The following INPP4A variants were observed in gnomAD, a reference collection of about 807,000 sequenced individuals.
The protein encoded by INPP4A is inositol polyphosphate-4-phosphatase, type I, 107kD.
Under a neutral mutation model 119.8 loss-of-function variants are expected in INPP4A, and 33 were observed. The ratio of observed to expected loss-of-function variants is 0.28; its 90% CI spans 0.21 to 0.37. The LOEUF (loss-of-function observed/expected upper bound fraction) is 0.37, where lower values mean the gene tolerates loss of function less well. Ranked by LOEUF, INPP4A falls within the 10% of genes least tolerant of loss-of-function variation. The probability of loss-of-function intolerance (pLI) is 1.00; values close to 1 mark genes in which losing one functional copy is unlikely to be tolerated. For synonymous variants in INPP4A, 496 were observed against 500.7 expected (o/e 0.99, Z 0.12); for missense variants, 956 against 1,289.9 (o/e 0.74, Z 3.97).
intron 1 of INPP4A, among the ~76,000 whole-genome samples, chr2:98,506,834 C>G (rs1684149222): frequency 6.6e-6 from 1 of 152,202 alleles, no homozygotes; most frequent in Non-Finnish European, 1.5e-5. Context: ...GCGGGCACTC[C>G]CCTGTGGCAG....
intron 24 of INPP4A, among the ~76,000 whole-genome samples, chr2:98,579,945 C>T (rs1176549212): frequency 6.6e-6 from 1 of 152,272 alleles, no homozygotes; most frequent in African/African-American, 2.4e-5. Flanking sequence ...ACATGGCTCA[C>T]TGCCACCTTG....
intron 1 of INPP4A, among the ~76,000 whole-genome samples, chr2:98,472,698 G>A (rs544815087): frequency 6.6e-6 from 1 of 152,346 alleles, no homozygotes; most frequent in Admixed American, 6.5e-5. Flanking sequence ...TGCATCCTCA[G>A]TAGGAAGCAT....
intron 7 of INPP4A, among the ~76,000 whole-genome samples, chr2:98,536,589 A>G (rs1690316886): frequency 6.6e-6 from 1 of 152,188 alleles, no homozygotes; most frequent in Non-Finnish European, 1.5e-5. Flanking sequence ...TCTGGTGCTC[A>G]ATAAATATTT....
intron 1 of INPP4A, among the ~76,000 whole-genome samples, chr2:98,474,376 G>T (rs1676779460): frequency 6.6e-6 from 1 of 152,216 alleles, no homozygotes; most frequent in South Asian, 2.1e-4. Context: ...AGTTGGGGTT[G>T]GGAGCTTGCT....
intron 1 of INPP4A, among the ~76,000 whole-genome samples, chr2:98,505,286 T>G (rs908751017): frequency 6.6e-6 from 1 of 152,204 alleles, no homozygotes; most frequent in African/African-American, 2.4e-5. Flanking sequence ...GCACTTTGCC[T>G]TTAGGTTTGG....
At chr2:98,537,082 T>C (rs941756181) in intron 7 of INPP4A, among the ~76,000 whole-genome samples, 2 of 152,206 alleles carry the variant, frequency 1.3e-5, no homozygotes, top group Non-Finnish European at 2.9e-5. Context: ...ATCATTCTTT[T>C]TAAAGGAGCT....
intron 1 of INPP4A, among the ~76,000 whole-genome samples, chr2:98,504,431 G>A (rs1347596452): frequency 6.6e-6 from 1 of 152,204 alleles, no homozygotes; most frequent in Non-Finnish European, 1.5e-5. Flanking sequence ...GTTGCTGAAT[G>A]TGTGACCACT....
intron 4 of INPP4A, among the ~76,000 whole-genome samples, chr2:98,522,714 G>A (rs573062031): frequency 6.6e-6 from 1 of 151,676 alleles, no homozygotes; most frequent in Non-Finnish European, 1.5e-5. Flanking sequence ...AAGGTGTATT[G>A]TGGTGAAATT....
At position 98,570,419 on chromosome 2, in the gene INPP4A, C is replaced by T. The variant is rs1218684633; in HGVS notation, c.2518+1751C>T. 3.3e-5 allele frequency among the ~76,000 whole-genome samples: 5 copies of T among 152,128 alleles called. No individual in the cohort carries two copies. Among genetic ancestry groups the T allele is most frequent in the African/African-American group, 9.7e-5 (4 of 41,438 alleles). Reference sequence around the variant, plus strand: ...GAGCCAGGAGGGTGTGGGGCGCTGCCGGACACTGGATGTGTGGACAAGGAG... The same window carrying T: ...GAGCCAGGAGGGTGTGGGGCGCTGCTGGACACTGGATGTGTGGACAAGGAG... On this transcript the variant is annotated intron_variant, in intron 22 of 24. Transcript: ENST00000409851. This position sits in a 1 kb window ranked among gnomAD's most constrained non-coding sequence, Gnocchi z 4.3.
chr2:98,570,179 G>T lies in INPP4A; in HGVS notation c.2518+1511G>T, dbSNP rs975756163. On this transcript the variant is annotated intron_variant, in intron 22 of 24. Coordinates refer to ENST00000409851, the MANE Select transcript of INPP4A (RefSeq NM_001134225.2). This position sits in a 1 kb window ranked among gnomAD's most constrained non-coding sequence, Gnocchi z 4.3. ...GGGACCGACAGCGAGTGCAGCACTG[G>T]CCCCAGCTGAGCTGATGACATGGGC... Among the ~76,000 whole-genome samples, 2 of 152,200 alleles carry T rather than the reference G, an allele frequency of 1.3e-5. No homozygotes were observed. The highest frequency in any genetic ancestry group is 4.8e-5 in the African/African-American group (2 of 41,444).
intron 1 of INPP4A, among the ~76,000 whole-genome samples, chr2:98,457,963 G>C (rs1240658710): frequency 6.7e-6 from 1 of 149,852 alleles, no homozygotes; most frequent in African/African-American, 2.5e-5. Flanking sequence ...ACTGTGCCCA[G>C]CTAATTAAAC....
At chr2:98,537,324 A>G (rs1690486674) in intron 7 of INPP4A, among the ~76,000 whole-genome samples, 1 of 152,242 alleles carries the variant, frequency 6.6e-6, no homozygotes, top group Non-Finnish European at 1.5e-5. Context: ...ATGTCAGGGT[A>G]AAGCTGACTG....
chr2:98,504,918 C>T (rs1231178188), intron 1 of INPP4A, among the ~76,000 whole-genome samples: 1 of 152,210 alleles, frequency 6.6e-6, no homozygotes, highest in Admixed American at 6.5e-5. Context: ...GCTGAAGGTG[C>T]AGGACTGGCA....
intron 1 of INPP4A, among the ~76,000 whole-genome samples, chr2:98,516,841 C>T (rs548491003): frequency 1.5e-4 from 23 of 152,224 alleles, no homozygotes; most frequent in African/African-American, 5.5e-4. Flanking sequence ...TTGATGCAGC[C>T]GCCTGCTGGC....
intron 1 of INPP4A, among the ~76,000 whole-genome samples, chr2:98,506,817 C>T (rs968662067): frequency 7.9e-5 from 12 of 152,290 alleles, no homozygotes; most frequent in Middle Eastern, 3.4e-3. Flanking sequence ...CTGGAGTGGC[C>T]CACAATGCGG....
At chr2:98,516,475 A>C (rs999988619) in intron 1 of INPP4A, among the ~76,000 whole-genome samples, 7 of 151,930 alleles carry the variant, frequency 4.6e-5, no homozygotes, top group Admixed American at 3.3e-4. Flanking sequence ...CTGCAGGGAG[A>C]GGTGGAAAGG....
chr2:98,519,172 A>C (rs1574878476), intron 2 of INPP4A, 147 bp downstream of exon 2: 1 of 152,212 alleles, frequency 6.6e-6, no homozygotes, highest in African/African-American at 2.4e-5. Context: ...TGCTCAGTCT[A>C]ATTATCTTAA....
chr2:98,467,189 G>A (rs1389112984), intron 1 of INPP4A, among the ~76,000 whole-genome samples: 1 of 152,154 alleles, frequency 6.6e-6, no homozygotes, highest in Non-Finnish European at 1.5e-5. Flanking sequence ...GGGAACCAAC[G>A]GAGTGAGAAC....
At chr2:98,496,021 G>A (rs1221718941) in intron 1 of INPP4A, among the ~76,000 whole-genome samples, 1 of 152,188 alleles carries the variant, frequency 6.6e-6, no homozygotes. Flanking sequence ...ACTGGAGTCA[G>A]GCTGGAATCT....
Sources: allele counts gnomAD v4.1 joint callset (sites outside exome capture counted in the v4.1 genomes callset), GRCh38; gene constraint gnomAD v4.1.1; non-coding constraint Gnocchi (gnomAD v3.1); transcripts MANE v1.5; gene names NCBI Gene and HGNC (gene_info 2026-07-23, HGNC 2026-07-21).